The following MAGI1 variants were observed in gnomAD, a reference collection of about 807,000 sequenced individuals.
The protein encoded by MAGI1 is membrane associated guanylate kinase, WW and PDZ domain containing 1, also known as membrane-associated guanylate kinase, WW and PDZ domain-containing protein 1.
In MAGI1, 58 loss-of-function variants were observed where a neutral mutation model predicts 139.9. The observed-to-expected ratio is 0.41, with a 90% CI of 0.34 to 0.52. The LOEUF is 0.52. Among genes scored for constraint, MAGI1 ranks in the 20% least tolerant of loss-of-function variants. The pLI, the probability that MAGI1 is intolerant of heterozygous loss-of-function variation, is 0.12. For synonymous variants in MAGI1, 812 were observed against 737.9 expected, an observed-to-expected ratio of 1.10 and a Z score of -1.63; for missense variants, 1,874 against 1,901.6, an observed-to-expected ratio of 0.99 and a Z score of 0.27.
chr3:65,463,292 T>C (rs184433550), intron 5 of MAGI1, among the ~76,000 whole-genome samples: 4 of 152,312 alleles, frequency 2.6e-5, no homozygotes, highest in African/African-American at 9.6e-5. Context: ...ACCTAGTTTA[T>C]TGAGTGTTTT....
chr3:65,475,284 G>A (rs1164639278), intron 4 of MAGI1, among the ~76,000 whole-genome samples: 1 of 152,040 alleles, frequency 6.6e-6, no homozygotes, highest in African/African-American at 2.4e-5. Context: ...TGCAGCCTCG[G>A]CTCACTGCAA....
intron 1 of MAGI1, among the ~76,000 whole-genome samples, chr3:65,676,648 C>G (rs1236750328): frequency 1.3e-5 from 2 of 152,130 alleles, no homozygotes; most frequent in East Asian, 3.9e-4. Flanking sequence ...TGGCAGAGTT[C>G]CTGGCTAATC....
chr3:65,838,653 G>A (rs1305182394), intron 1 of MAGI1, among the ~76,000 whole-genome samples: 1 of 152,184 alleles, frequency 6.6e-6, no homozygotes, highest in Non-Finnish European at 1.5e-5. Flanking sequence ...GCACACTTTA[G>A]TTGTTGAACA....
At chr3:66,020,386 C>A (rs1302658042) in intron 1 of MAGI1, among the ~76,000 whole-genome samples, 3 of 152,128 alleles carry the variant, frequency 2.0e-5, no homozygotes, top group African/African-American at 7.2e-5. Context: ...GCCAAAATCA[C>A]ATCATTACAC....
At chr3:65,747,460 T>C (rs1298258406) in intron 1 of MAGI1, among the ~76,000 whole-genome samples, 2 of 152,218 alleles carry the variant, frequency 1.3e-5, no homozygotes, top group Non-Finnish European at 2.9e-5. Context: ...CTAGAAACTA[T>C]TTCTTTAAAA....
intron 12 of MAGI1, among the ~76,000 whole-genome samples, chr3:65,413,693 T>A (rs1475644731): frequency 6.6e-6 from 1 of 152,154 alleles, no homozygotes; most frequent in Non-Finnish European, 1.5e-5. Flanking sequence ...AGCTATTAGA[T>A]TTCAGGTTTC....
At chr3:65,477,141 C>G (rs370382098) in intron 4 of MAGI1, among the ~76,000 whole-genome samples, 2 of 152,192 alleles carry the variant, frequency 1.3e-5, no homozygotes, top group African/African-American at 4.8e-5. Flanking sequence ...CTGTCTTTAC[C>G]TAACACTTCT....
intron 1 of MAGI1, among the ~76,000 whole-genome samples, chr3:65,635,132 G>A (rs182580015): frequency 6.6e-6 from 1 of 152,022 alleles, no homozygotes; most frequent in East Asian, 1.9e-4. Context: ...TGGTGTGGTC[G>A]TGGCTCTCTG....
intron 8 of MAGI1, among the ~76,000 whole-genome samples, chr3:65,442,379 G>A (rs1000902816): frequency 6.6e-6 from 1 of 152,130 alleles, no homozygotes; most frequent in African/African-American, 2.4e-5. Context: ...AGAAGTAATT[G>A]CTAAGGAGTT....
chr3:65,863,271 T>C lies in MAGI1; in HGVS notation c.313+174725A>G, dbSNP rs1050021852. 2.0e-5 allele frequency among the ~76,000 whole-genome samples: 3 copies of C among 152,210 alleles called. No homozygotes were observed. In the East Asian group the frequency reaches 5.8e-4, roughly 29 times the overall value. On this transcript the variant is annotated intron_variant, in intron 1 of 22. Transcript: ENST00000402939. ...AATAGACAGAACAGACTATGCTCAC[T>C]CCTTTACTACAAGACTATTACTTAT... is the stretch of plus-strand genomic sequence containing the variant.
In MAGI1 at chr3:66,026,113, T is replaced by C. The variant is rs1025578618; in HGVS notation, c.313+11883A>G. ...ACACAGACTTAAACAGGCTGATAGA[T>C]GGAGGAGGAAATGAACATGCTCTCC... On this transcript the variant is annotated intron_variant, in intron 1 of 22. Coordinates refer to ENST00000402939, the MANE Select transcript of MAGI1 (RefSeq NM_001033057.2). Among the ~76,000 whole-genome samples, 19 of 151,838 alleles carry C rather than the reference T, an allele frequency of 1.3e-4. 1 individual carries two copies. The highest frequency in any genetic ancestry group is 1.0e-3 in the South Asian group (5 of 4,822).
At chr3:65,663,929 T>G (rs1355076557) in intron 1 of MAGI1, among the ~76,000 whole-genome samples, 1 of 152,182 alleles carries the variant, frequency 6.6e-6, no homozygotes, top group African/African-American at 2.4e-5. Context: ...AAAGGAATGA[T>G]AGTTACAGTT....
chr3:65,797,079 T>A (rs2108104975), intron 1 of MAGI1, among the ~76,000 whole-genome samples: 1 of 152,360 alleles, frequency 6.6e-6, no homozygotes, highest in Admixed American at 6.5e-5. Context: ...GAGTTCTGAT[T>A]ATCTATTAAA....
At chr3:65,865,644 G>A (rs1158127516) in intron 1 of MAGI1, among the ~76,000 whole-genome samples, 2 of 152,088 alleles carry the variant, frequency 1.3e-5, no homozygotes, top group South Asian at 2.1e-4. Context: ...TTTTTGTTTT[G>A]TTTTGTTTTG....
At chr3:65,502,715 G>A (rs769732975) in intron 2 of MAGI1, among the ~76,000 whole-genome samples, 4 of 152,154 alleles carry the variant, frequency 2.6e-5, no homozygotes, top group Non-Finnish European at 5.9e-5. Context: ...CTGACCTTTG[G>A]TTAATTAACT....
intron 1 of MAGI1, among the ~76,000 whole-genome samples, chr3:65,827,927 T>G (rs900484378): frequency 6.6e-6 from 1 of 152,212 alleles, no homozygotes; most frequent in African/African-American, 2.4e-5. Flanking sequence ...TTTATGTCTA[T>G]CATGAAAACA....
At chr3:65,980,104 G>C (rs1425631163) in intron 1 of MAGI1, among the ~76,000 whole-genome samples, 1 of 152,190 alleles carries the variant, frequency 6.6e-6, no homozygotes, top group Admixed American at 6.5e-5. Context: ...GCAAACAGTG[G>C]TGGCTTTAAG....
intron 5 of MAGI1, among the ~76,000 whole-genome samples, chr3:65,460,803 G>A (rs949370894): frequency 2.0e-5 from 3 of 152,034 alleles, no homozygotes; most frequent in African/African-American, 7.2e-5. Context: ...GGGGTGTTTG[G>A]TTTTCTGTTC....
chr3:65,947,472 A>C (rs1360652210), intron 1 of MAGI1, among the ~76,000 whole-genome samples: 1 of 152,206 alleles, frequency 6.6e-6, no homozygotes, highest in East Asian at 1.9e-4. Flanking sequence ...GAAAACTCCT[A>C]TATTTATATT....
Sources: gnomAD v4.1 joint callset for allele counts (sites outside exome capture counted in the v4.1 genomes callset) on GRCh38, gnomAD v4.1.1 for gene constraint, MANE v1.5 for transcripts, NCBI Gene and HGNC (gene_info 2026-07-23, HGNC 2026-07-21) for gene names.